SNX14: variants seen among roughly 807,000 people sequenced by gnomAD.
The protein encoded by SNX14 is sorting nexin 14.
In SNX14, 93 loss-of-function variants were observed where a neutral mutation model predicts 133.8. The ratio of observed to expected loss-of-function variants is 0.70; its 90% CI spans 0.59 to 0.83. The LOEUF (loss-of-function observed/expected upper bound fraction) is 0.83, where lower values mean the gene tolerates loss of function less well. Ranked by LOEUF, SNX14 falls within the 40% of genes least tolerant of loss-of-function variation. The pLI is 0.00. For synonymous variants in SNX14, 368 were observed against 365.6 expected, an observed-to-expected ratio of 1.01 and a Z score of -0.07; for missense variants, 945 against 1,094.9, an observed-to-expected ratio of 0.86 and a Z score of 1.93.
chr6:85,533,812 T>C lies in SNX14; in HGVS notation c.1609-12A>G. 1.9e-6 allele frequency: 3 copies of C among 1,605,850 alleles called. No individual in the cohort carries two copies. The highest frequency in any genetic ancestry group is 2.6e-6 in the Non-Finnish European group (3 of 1,175,748). ...ATACCTTCTTCAATCTGGAAAAAAA[T>C]TACCAGGATGAATTTAATATTCCCA... is the stretch of plus-strand genomic sequence containing the variant. On this transcript the variant is annotated splice_polypyrimidine_tract_variant and intron_variant, in intron 17 of 28. Transcript: ENST00000314673.
At chr6:85,535,028 C>CT (rs35936403) in intron 17 of SNX14, among the ~76,000 whole-genome samples, 14,969 of 124,086 alleles carry the variant, frequency 0.12, 1,459 homozygotes, top group African/African-American at 0.27. Context: ...TCTATCCATA[C>CT]TTTTTTTTTT....
At chr6:85,581,754 T>C (rs1250808910) in intron 1 of SNX14, 3 of 152,020 alleles carry the variant, frequency 2.0e-5, no homozygotes, top group African/African-American at 7.2e-5. Flanking sequence ...GATCAAGTAA[T>C]AGAAAGAATT....
intron 26 of SNX14, among the ~76,000 whole-genome samples, chr6:85,513,414 T>G (rs1473126365): frequency 6.6e-6 from 1 of 152,268 alleles, no homozygotes; most frequent in Non-Finnish European, 1.5e-5. Context: ...GCATAGTGCC[T>G]GGAATATGGA....
intron 7 of SNX14, among the ~76,000 whole-genome samples, chr6:85,555,167 A>G (rs2128127013): frequency 6.6e-6 from 1 of 152,332 alleles, no homozygotes; most frequent in South Asian, 2.1e-4. Context: ...AAACTCATCA[A>G]TTCTACTAAA....
Position 85,514,241 on chromosome 6 carries a change from A to G in SNX14, c.2393-7T>C, listed in dbSNP as rs771277538. On this transcript the variant is annotated splice_polypyrimidine_tract_variant and splice_region_variant and intron_variant, in intron 24 of 28. Transcript: ENST00000314673. Reference sequence around the variant, plus strand: ...ACCTGGAAAACTACCCGTCCTGAGAAAGGATCAAATGGGATACCTCATTGT... The same window carrying G: ...ACCTGGAAAACTACCCGTCCTGAGAGAGGATCAAATGGGATACCTCATTGT... 3 of 1,607,252 alleles carry G rather than the reference A, an allele frequency of 1.9e-6. No homozygotes were observed. Among genetic ancestry groups the G allele is most frequent in the Non-Finnish European group, 2.5e-6 (3 of 1,177,970 alleles).
intron 1 of SNX14, among the ~76,000 whole-genome samples, chr6:85,591,341 A>G: frequency 6.6e-6 from 1 of 152,094 alleles, no homozygotes; most frequent in Non-Finnish European, 1.5e-5. Context: ...TTCCTGGAAA[A>G]GGGATACATA....
chr6:85,576,849 T>C (rs139430687), intron 1 of SNX14, among the ~76,000 whole-genome samples: 1 of 152,274 alleles, frequency 6.6e-6, no homozygotes, highest in East Asian at 1.9e-4. Context: ...GTAATACCTA[T>C]GAGACAATTA....
Position 85,518,029 on chromosome 6 carries a change from A to T in SNX14, c.2127T>A (p.Val709=). ...DVNLGKIIKS[V]PGKLMKEKGQ... ...TCACCTCTTTCATTAGTTTTCCAGG[A>T]ACAGATTTTATAATTTTCCCTGCAA... The change falls in exon 22 of 29, where the codon GTT becomes GTA. Residue 709 remains valine (V), a synonymous_variant. Coordinates refer to ENST00000314673, the MANE Select transcript of SNX14 (RefSeq NM_153816.6). 1 of 1,605,594 alleles carries T rather than the reference A, an allele frequency of 6.2e-7. No homozygotes were observed. The highest frequency in any genetic ancestry group is 8.5e-7 in the Non-Finnish European group (1 of 1,175,050).
Position 85,574,321 on chromosome 6 carries a change from G to A in SNX14, c.198C>T (p.Tyr66=), listed in dbSNP as rs1229229511. Residue 66 remains tyrosine (Y), a synonymous_variant, in exon 2 of 29, where the codon TAC becomes TAT. Transcript: ENST00000314673. ...AGAGAGAATCAGGTCCTAGTGAGCA[G>A]TAGAATGTGACAACTCCAGCAACAA... ...WSFVAGVVTF[Y]CSLGPDSLLP... 6.3e-7 allele frequency: 1 copy of A among 1,592,768 alleles called. No homozygotes were observed. The highest frequency in any genetic ancestry group is 8.6e-7 in the Non-Finnish European group (1 of 1,162,906).
chr6:85,557,861 T>G, intron 7 of SNX14, 115 bp downstream of exon 7: 1 of 661,550 alleles, frequency 1.5e-6, no homozygotes, highest in South Asian at 1.8e-5. Context: ...GAGAATACTC[T>G]CGCATCAACT....
intron 15 of SNX14, among the ~76,000 whole-genome samples, chr6:85,540,325 C>T (rs1783280878): frequency 6.6e-6 from 1 of 152,114 alleles, no homozygotes; most frequent in Non-Finnish European, 1.5e-5. Context: ...TAGAAAAGGG[C>T]ATGTCATTAG....
intron 7 of SNX14, among the ~76,000 whole-genome samples, chr6:85,552,068 GCT>G (rs1264699232): frequency 1.6e-5 from 2 of 126,750 alleles, no homozygotes; most frequent in East Asian, 4.6e-4. Context: ...ACGGAGTCTC[GCT>G]CTGTCGCCCA....
intron 12 of SNX14, among the ~76,000 whole-genome samples, chr6:85,546,830 A>G (rs1785677524): frequency 1.3e-5 from 2 of 152,084 alleles, no homozygotes; most frequent in Admixed American, 1.3e-4. Flanking sequence ...GGGTGCTGGC[A>G]CATGCCTGTA....
chr6:85,590,141 GAATGATT>G (rs1802347016), intron 1 of SNX14, among the ~76,000 whole-genome samples: 2 of 152,206 alleles, frequency 1.3e-5, no homozygotes, highest in African/African-American at 2.4e-5. Context: ...AATCCAGAAA[GAATGATT>G]CTTGTTGTCC....
chr6:85,541,974 A>G lies in SNX14; in HGVS notation c.1448+11T>C, dbSNP rs1389296915. 8 of 1,588,714 alleles carry G rather than the reference A, an allele frequency of 5.0e-6. No homozygotes were observed. In the East Asian group the frequency reaches 6.8e-5, roughly 13 times the overall value. On this transcript the variant is annotated intron_variant, in intron 15 of 28. Transcript: ENST00000314673. ...GCATCAGCAAGTTCAAAAACAAAAC[A>G]TACAACCTACCTGTTCAATTTTGAA...
intron 12 of SNX14, among the ~76,000 whole-genome samples, chr6:85,545,943 G>A (rs373087900): frequency 5.3e-4 from 81 of 152,308 alleles, no homozygotes; most frequent in African/African-American, 1.7e-3. Context: ...TCGGCCTCCC[G>A]AAGTGCTGGG....
chr6:85,543,744 T>C lies in SNX14; in HGVS notation c.1125A>G (p.Arg375=). 1 of 1,556,272 alleles carries C rather than the reference T, an allele frequency of 6.4e-7. No homozygotes were observed. Among genetic ancestry groups the C allele is most frequent in the Non-Finnish European group, 8.7e-7 (1 of 1,150,566 alleles). The change falls in exon 13 of 29, where the codon AGA becomes AGG. Residue 375 remains arginine (R), a synonymous_variant. Coordinates refer to ENST00000314673, the MANE Select transcript of SNX14 (RefSeq NM_153816.6). ...FCLTVEEFND[R]ILRPELSNDE... ...CATTTGATAATTCTGGTCGTAAAAT[T>C]CTATCATTAAATTCCTCTAACAAAT...
chr6:85,530,098 T>C (rs1262449259), intron 19 of SNX14, 94 bp downstream of exon 19: 3 of 687,930 alleles, frequency 4.4e-6, no homozygotes, highest in Non-Finnish European at 4.8e-6. Flanking sequence ...TTCTTGTATT[T>C]CAATTACTTA....
Position 85,517,873 on chromosome 6 carries a change from T to C in SNX14, c.2151A>G (p.Lys717=), listed in dbSNP as rs1775585297. 1.3e-6 allele frequency: 2 copies of C among 1,598,034 alleles called. No individual in the cohort carries two copies. Among genetic ancestry groups the C allele is most frequent in the South Asian group, 1.2e-5 (1 of 86,796 alleles). ...TGATAAAAGGTTCCAAATGCTGACC[T>C]TTCTGTGGTGATAGATTATTGTAAG... ...KSVPGKLMKE[K]GQHLEPFIMN... Residue 717 remains lysine, a splice_region_variant and synonymous_variant, in exon 23 of 29, where the codon AAA becomes AAG. Coordinates refer to ENST00000314673, the MANE Select transcript of SNX14 (RefSeq NM_153816.6).
Sources: allele counts gnomAD v4.1 joint callset (sites outside exome capture counted in the v4.1 genomes callset), GRCh38; gene constraint gnomAD v4.1.1; transcripts MANE v1.5; gene names NCBI Gene and HGNC (gene_info 2026-07-23, HGNC 2026-07-21).